Variants in RASGRP1 observed in about 807,000 individuals in gnomAD.
RASGRP1 encodes the protein RAS guanyl-releasing protein 1.
A neutral mutation model predicts 95.1 loss-of-function variants in RASGRP1; 37 were observed. That is an observed-to-expected ratio of 0.39 (90% confidence interval 0.30 to 0.51). The LOEUF (loss-of-function observed/expected upper bound fraction) is 0.51. Ranked by LOEUF, RASGRP1 falls within the 20% of genes least tolerant of loss-of-function variation. RASGRP1 has a pLI of 0.80. For synonymous variants in RASGRP1, 325 were observed against 353.4 expected (o/e 0.92, Z 0.90); for missense variants, 711 against 965.4 (o/e 0.74, Z 3.49).
chr15:38,498,771 G>A (rs768887576), intron 15 of RASGRP1, 23 bp downstream of exon 15: 23 of 1,605,014 alleles, frequency 1.4e-5, no homozygotes, highest in Non-Finnish European at 1.6e-5. Context: ...TTTCCAAGAT[G>A]AATGTTCCCA....
In RASGRP1 at chr15:38,516,299, G is replaced by A. The variant is rs376655506; in HGVS notation, c.573C>T (p.Thr191=). The change falls in exon 6 of 17, where the codon ACC becomes ACT. Residue 191 remains threonine (T), a synonymous_variant. Transcript: ENST00000310803. Reference sequence around the variant, plus strand: ...GCAGGGAGACTTTCCGTTTCTTGCTGGTATTTGATTTTATCCTTTGAGTAA... The same window carrying A: ...GCAGGGAGACTTTCCGTTTCTTGCTAGTATTTGATTTTATCCTTTGAGTAA... ...RKLTQRIKSN[T]SKKRKVSLLF... is the part of the protein sequence containing the mutation. The A allele has an allele frequency of 6.2e-7, 1 of 1,608,092 alleles. No homozygotes were observed. The highest frequency in any genetic ancestry group is 1.3e-5 in the African/African-American group (1 of 74,772).
At chr15:38,535,818 C>T (rs1892620239) in intron 2 of RASGRP1, among the ~76,000 whole-genome samples, 1 of 152,244 alleles carries the variant, frequency 6.6e-6, no homozygotes, top group South Asian at 2.1e-4. Context: ...CTGAGCAAGA[C>T]AGCTGGCCTT....
chr15:38,514,850 C>G (rs925129676), intron 6 of RASGRP1, among the ~76,000 whole-genome samples: 2 of 152,178 alleles, frequency 1.3e-5, no homozygotes, highest in African/African-American at 4.8e-5. Context: ...CCCTGCAGAG[C>G]TCAGATTTCC....
At position 38,556,986 on chromosome 15, in the gene RASGRP1, G is replaced by A. The variant is rs189984647; in HGVS notation, c.220+2835C>T. On this transcript the variant is annotated intron_variant, in intron 2 of 16. Coordinates refer to ENST00000310803, the MANE Select transcript of RASGRP1 (RefSeq NM_005739.4). ...CCTCCACACTTCTGTACAGTTTTTC[G>A]TGGGTTTAAAATGAGAAGACATCTA... Among the ~76,000 whole-genome samples, 661 of 152,098 alleles carry A rather than the reference G, an allele frequency of 4.3e-3. 5 individuals are homozygous for A. Among genetic ancestry groups the A allele is most frequent in the African/African-American group, 0.015 (609 of 41,486 alleles).
chr15:38,506,665 G>C (rs1891272619), intron 9 of RASGRP1, among the ~76,000 whole-genome samples: 1 of 149,290 alleles, frequency 6.7e-6, no homozygotes. Flanking sequence ...AAAATAGTGA[G>C]TTTCATGTAT....
Position 38,507,780 on chromosome 15 carries a change from C to G in RASGRP1, c.1188G>C (p.Leu396=), listed in dbSNP as rs763662740. 1 of 1,605,124 alleles carries G rather than the reference C, an allele frequency of 6.2e-7. No homozygotes were observed. Among genetic ancestry groups the G allele is most frequent in the South Asian group, 1.1e-5 (1 of 88,822 alleles). The part of the protein sequence containing the change: ...LYNHISELVQ[L]QEVAPPLEAN... ...CCTCCAAGGGTGGGGCCACCTCTTG[C>G]AGCTGGACCAATTCACTGATATGAT... Residue 396 remains leucine (L), a synonymous_variant, in exon 9 of 17, where the codon CTG becomes CTC. Coordinates refer to ENST00000310803, the MANE Select transcript of RASGRP1 (RefSeq NM_005739.4).
chr15:38,548,202 T>A lies in RASGRP1; in HGVS notation c.220+11619A>T, dbSNP rs143085603. Among the ~76,000 whole-genome samples the A allele has an allele frequency of 1.4e-4, 21 of 152,298 alleles. No individual in the cohort carries two copies. In the East Asian group the frequency reaches 4.0e-3, roughly 29 times the overall value. On this transcript the variant is annotated intron_variant, in intron 2 of 16. Coordinates refer to ENST00000310803, the MANE Select transcript of RASGRP1 (RefSeq NM_005739.4). ...GAAAATTTAGAGAAATTTCCTAAAA[T>A]CCGTTTGAATTTTTGTAATCCTAAA...
chr15:38,510,012 G>T (rs1033996732), intron 8 of RASGRP1, among the ~76,000 whole-genome samples: 4 of 152,154 alleles, frequency 2.6e-5, no homozygotes, highest in Non-Finnish European at 5.9e-5. Context: ...AATGGTGCAG[G>T]TGAGCCCTAG....
At chr15:38,551,927 T>C (rs761507362) in intron 2 of RASGRP1, among the ~76,000 whole-genome samples, 2 of 152,202 alleles carry the variant, frequency 1.3e-5, no homozygotes, top group Non-Finnish European at 1.5e-5. Context: ...CAGTAGTGCC[T>C]GTTACCATGC....
chr15:38,554,078 T>A (rs1426066367), intron 2 of RASGRP1, among the ~76,000 whole-genome samples: 1 of 152,220 alleles, frequency 6.6e-6, no homozygotes, highest in Admixed American at 6.5e-5. Flanking sequence ...TGGGGTTGAC[T>A]GTGAGGAATT....
chr15:38,552,838 G>A (rs1032113224), intron 2 of RASGRP1, among the ~76,000 whole-genome samples: 1 of 152,176 alleles, frequency 6.6e-6, no homozygotes, highest in Non-Finnish European at 1.5e-5. Context: ...ACTGCTAGGA[G>A]ATAATGAAAT....
chr15:38,518,756 T>C (rs1018689783), intron 4 of RASGRP1, among the ~76,000 whole-genome samples: 1 of 152,204 alleles, frequency 6.6e-6, no homozygotes, highest in Non-Finnish European at 1.5e-5. Context: ...AATGAGACAA[T>C]CTATTCATAG....
intron 15 of RASGRP1, 32 bp from the exon 16 acceptor site, chr15:38,494,799 T>C (rs1242225688): frequency 1.0e-5 from 14 of 1,394,286 alleles, no homozygotes; most frequent in Non-Finnish European, 1.3e-5. Context: ...GCTAGTACTC[T>C]AGCTCAGGAA....
At chr15:38,518,544 T>A in intron 4 of RASGRP1, 121 bp from the exon 5 acceptor site, 1 of 1,081,732 alleles carries the variant, frequency 9.2e-7, no homozygotes, top group Non-Finnish European at 1.3e-6. Flanking sequence ...GTCTGATTCG[T>A]CTATTAGTAT....
rs753652699 is a variant in RASGRP1, at chr15:38,490,529, C to T, written c.*25G>A. 2 of 1,607,194 alleles carry T rather than the reference C, an allele frequency of 1.2e-6. No homozygotes were observed. The highest frequency in any genetic ancestry group is 1.7e-6 in the Non-Finnish European group (2 of 1,176,622). ...GAAATGAGATCACTATACTCATCTACAGATTGTGCTACTTAGTTTCTGGGC... is the reference window on the plus strand; with the variant it reads ...GAAATGAGATCACTATACTCATCTATAGATTGTGCTACTTAGTTTCTGGGC... On this transcript the variant is annotated 3_prime_UTR_variant, in exon 17 of 17. Coordinates refer to ENST00000310803, the MANE Select transcript of RASGRP1 (RefSeq NM_005739.4).
chr15:38,496,103 GAGA>G (rs904889731), intron 15 of RASGRP1, among the ~76,000 whole-genome samples: 1 of 152,190 alleles, frequency 6.6e-6, no homozygotes, highest in East Asian at 1.9e-4. Context: ...GAAAGTTGAT[GAGA>G]TTGAGAAAGA....
At chr15:38,492,607 AGTAG>A (rs1890631726) in intron 16 of RASGRP1, among the ~76,000 whole-genome samples, 2 of 152,178 alleles carry the variant, frequency 1.3e-5, no homozygotes, top group South Asian at 4.1e-4. Flanking sequence ...TAAAGTGAAT[AGTAG>A]TGTTGATATT....
intron 2 of RASGRP1, among the ~76,000 whole-genome samples, chr15:38,527,848 C>A (rs1204782393): frequency 6.6e-6 from 1 of 151,950 alleles, no homozygotes; most frequent in African/African-American, 2.4e-5. Context: ...AATCCCAGTG[C>A]TTTGGGAGGT....
At chr15:38,518,193 C>G (rs1270997733) in intron 5 of RASGRP1, 99 bp downstream of exon 5, 1 of 1,146,700 alleles carries the variant, frequency 8.7e-7, no homozygotes, top group African/African-American at 1.5e-5. Context: ...AGAAAGAGAG[C>G]AGCAGTCACC....
Sources: gnomAD v4.1 joint callset for allele counts (sites outside exome capture counted in the v4.1 genomes callset) on GRCh38, gnomAD v4.1.1 for gene constraint, MANE v1.5 for transcripts, NCBI Gene and HGNC (gene_info 2026-07-23, HGNC 2026-07-21) for gene names.